Variants in CSMD3 observed in about 807,000 individuals in gnomAD.
CSMD3 encodes CUB and Sushi multiple domains 3, also known as CUB and sushi domain-containing protein 3.
A neutral mutation model predicts 435.2 loss-of-function variants in CSMD3; 177 were observed. That is an observed-to-expected ratio of 0.41 (90% CI 0.36 to 0.46). CSMD3 has a LOEUF of 0.46. Ranked by LOEUF, CSMD3 falls within the 20% of genes least tolerant of loss-of-function variation. The probability of loss-of-function intolerance (pLI) is 0.34; values close to 1 mark genes in which losing one functional copy is unlikely to be tolerated. For missense variants in CSMD3, 4,265 were observed against 4,504.6 expected, an observed-to-expected ratio of 0.95 and a Z score of 1.52; for synonymous variants, 1,656 against 1,520.5, an observed-to-expected ratio of 1.09 and a Z score of -2.07.
chr8:113,121,256 T>G (rs962959374), intron 4 of CSMD3, among the ~76,000 whole-genome samples: 2 of 152,006 alleles, frequency 1.3e-5, no homozygotes, highest in Non-Finnish European at 2.9e-5. Context: ...ACAAAAGAAT[T>G]AGTCATGCAC....
chr8:113,286,042 T>C (rs1292278035), intron 2 of CSMD3, among the ~76,000 whole-genome samples: 1 of 152,122 alleles, frequency 6.6e-6, no homozygotes, highest in African/African-American at 2.4e-5. Context: ...TTTTTTTTCA[T>C]TTTAAATTTT....
intron 32 of CSMD3, among the ~76,000 whole-genome samples, chr8:112,460,668 T>C (rs1373077913): frequency 6.6e-6 from 1 of 152,128 alleles, no homozygotes; most frequent in Non-Finnish European, 1.5e-5. Context: ...AAAATAAATA[T>C]TATAGAAGAT....
At chr8:112,436,641 A>AAT (rs2130455987) in intron 32 of CSMD3, among the ~76,000 whole-genome samples, 1 of 152,060 alleles carries the variant, frequency 6.6e-6, no homozygotes, top group South Asian at 2.1e-4. Flanking sequence ...CATATAAAAA[A>AAT]ATATACACAA....
intron 11 of CSMD3, among the ~76,000 whole-genome samples, chr8:112,834,263 G>A (rs2079960235): frequency 6.6e-6 from 1 of 151,824 alleles, no homozygotes; most frequent in Admixed American, 6.6e-5. Context: ...TTCTTGAACA[G>A]TTTCAGTGAC....
intron 13 of CSMD3, among the ~76,000 whole-genome samples, chr8:112,780,417 T>C (rs981035089): frequency 6.6e-6 from 1 of 152,068 alleles, no homozygotes; most frequent in African/African-American, 2.4e-5. Flanking sequence ...GGCAGCTGAA[T>C]AGAATCCTCC....
intron 63 of CSMD3, among the ~76,000 whole-genome samples, chr8:112,248,149 C>T (rs958985005): frequency 6.6e-6 from 1 of 151,900 alleles, no homozygotes; most frequent in African/African-American, 2.4e-5. Context: ...CCTAATTTAT[C>T]ATTTATAAAT....
intron 1 of CSMD3, among the ~76,000 whole-genome samples, chr8:113,383,667 G>A (rs2133115924): frequency 6.6e-6 from 1 of 152,234 alleles, no homozygotes; most frequent in African/African-American, 2.4e-5. Context: ...TGATTTTAGG[G>A]TTTTCAGAAA....
At chr8:112,476,270 T>C (rs1819042748) in intron 31 of CSMD3, among the ~76,000 whole-genome samples, 2 of 152,254 alleles carry the variant, frequency 1.3e-5, no homozygotes, top group African/African-American at 4.8e-5. Context: ...GGTCTTGAAC[T>C]CCTGACCTCA....
chr8:112,591,732 A>G (rs1397692180), intron 22 of CSMD3, among the ~76,000 whole-genome samples: 1 of 152,036 alleles, frequency 6.6e-6, no homozygotes, highest in Non-Finnish European at 1.5e-5. Context: ...TTTAATTATT[A>G]CCAGAAGAAA....
chr8:113,077,387 A>C (rs375241043), intron 5 of CSMD3, among the ~76,000 whole-genome samples: 2 of 152,270 alleles, frequency 1.3e-5, no homozygotes, highest in African/African-American at 4.8e-5. Context: ...TTATAAAAAA[A>C]CCATTATGCT....
chr8:113,019,260 A>T, intron 5 of CSMD3, 81 bp from the exon 6 acceptor site: 1 of 835,456 alleles, frequency 1.2e-6, no homozygotes, highest in South Asian at 1.3e-5. Flanking sequence ...GACCAAACAA[A>T]TGTCCAACTA....
intron 13 of CSMD3, among the ~76,000 whole-genome samples, chr8:112,709,021 G>C (rs1054077984): frequency 7.2e-5 from 11 of 152,040 alleles, no homozygotes; most frequent in South Asian, 2.1e-4. Flanking sequence ...CCAAAGACAA[G>C]TGATGGTGGC....
chr8:113,105,013 C>T (rs750996107), intron 4 of CSMD3, among the ~76,000 whole-genome samples: 1 of 152,004 alleles, frequency 6.6e-6, no homozygotes, highest in Non-Finnish European at 1.5e-5. Context: ...TGTTTTTAAA[C>T]ATACAGCTTA....
intron 22 of CSMD3, among the ~76,000 whole-genome samples, chr8:112,612,439 GA>G (rs1238923059): frequency 4.6e-5 from 7 of 152,042 alleles, no homozygotes; most frequent in Non-Finnish European, 1.0e-4. Context: ...GTGGGATTAA[GA>G]AATCCAAAGA....
chr8:112,602,880 G>A (rs1832480684), intron 22 of CSMD3, among the ~76,000 whole-genome samples: 1 of 152,132 alleles, frequency 6.6e-6, no homozygotes, highest in Non-Finnish European at 1.5e-5. Context: ...GCAGACATCA[G>A]TCTATGGTAC....
At chr8:113,044,646 T>C (rs1278159814) in intron 5 of CSMD3, among the ~76,000 whole-genome samples, 1 of 149,246 alleles carries the variant, frequency 6.7e-6, no homozygotes, top group Non-Finnish European at 1.5e-5. Flanking sequence ...TTAGTACTAG[T>C]TTTTTGGAAC....
intron 24 of CSMD3, among the ~76,000 whole-genome samples, chr8:112,569,117 AG>A (rs937862374): frequency 6.6e-6 from 1 of 152,180 alleles, no homozygotes; most frequent in Non-Finnish European, 1.5e-5. Flanking sequence ...TTCCCAGGAA[AG>A]ATTTTGTATT....
rs1193196039 is a variant in CSMD3, at chr8:113,098,974, T to G, written c.710-11A>C. On this transcript the variant is annotated splice_polypyrimidine_tract_variant and intron_variant, in intron 4 of 70. Coordinates refer to ENST00000297405, the MANE Select transcript of CSMD3 (RefSeq NM_198123.2). ...CACAAGCATCTTCAGCTGTTAAAAA[T>G]GACAAAATATTCAGTTGTAAGTTAT... 1.3e-6 allele frequency: 2 copies of G among 1,552,042 alleles called. No individual in the cohort carries two copies. The highest frequency in any genetic ancestry group is 1.4e-5 in the African/African-American group (1 of 73,568).
intron 1 of CSMD3, among the ~76,000 whole-genome samples, chr8:113,365,096 G>A (rs2094302909): frequency 6.6e-6 from 1 of 151,994 alleles, no homozygotes. Flanking sequence ...CAATGCCCAA[G>A]GCAGGTACCT....
Sources: gnomAD v4.1 joint callset for allele counts (sites outside exome capture counted in the v4.1 genomes callset) on GRCh38, gnomAD v4.1.1 for gene constraint, MANE v1.5 for transcripts, NCBI Gene and HGNC (gene_info 2026-07-23, HGNC 2026-07-21) for gene names.